PPP2R5C: variants seen among roughly 807,000 people sequenced by gnomAD.
The protein encoded by PPP2R5C is serine/threonine-protein phosphatase 2A 56 kDa regulatory subunit gamma isoform.
A neutral mutation model predicts 68.9 loss-of-function variants in PPP2R5C; 7 were observed. The observed-to-expected ratio is 0.10, with a 90% confidence interval of 0.06 to 0.19. The LOEUF (loss-of-function observed/expected upper bound fraction) is 0.19. Ranked by LOEUF, PPP2R5C falls within the 10% of genes least tolerant of loss-of-function variation. The probability of loss-of-function intolerance (pLI) is 1.00; values close to 1 mark genes in which losing one functional copy is unlikely to be tolerated. For missense variants in PPP2R5C, 348 were observed against 641.3 expected, an observed-to-expected ratio of 0.54 and a Z score of 4.94; for synonymous variants, 210 against 222.2, an observed-to-expected ratio of 0.95 and a Z score of 0.49.
At position 101,823,098 on chromosome 14, in the gene PPP2R5C, G is replaced by C. The variant is rs900962311; in HGVS notation, c.94+13062G>C. ...AAACTAAACTTGGAACCCCTAAAAC[G>C]ATTTTGAACACTACTTGACATTTAA... On this transcript the variant is annotated intron_variant, in intron 1 of 13. Transcript: ENST00000334743. Among the ~76,000 whole-genome samples the C allele has an allele frequency of 2.0e-5, 3 of 152,118 alleles. No individual in the cohort carries two copies. The East Asian group carries it at 5.8e-4, about 29-fold the overall frequency.
chr14:101,820,739 G>T (rs1313854326), intron 1 of PPP2R5C: 1 of 152,116 alleles, frequency 6.6e-6, no homozygotes, highest in East Asian at 1.9e-4. Context: ...CTTCTGTTGA[G>T]TATTGAAGAT....
intron 13 of PPP2R5C, among the ~76,000 whole-genome samples, chr14:101,918,434 G>GTCCCCTTCCCCCCTCACCCCCTTCA (rs2046810505): frequency 2.2e-5 from 1 of 46,476 alleles, no homozygotes; most frequent in African/African-American, 9.0e-5. Context: ...CCCTCGCCCC[G>GTCCCCTTCCCCCCTCACCCCCTTCA]TCCCCTTCCC....
chr14:101,890,309 T>TA lies in PPP2R5C; in HGVS notation c.689+14dup. On this transcript the variant is annotated intron_variant, in intron 6 of 13. Coordinates refer to ENST00000334743, the Ensembl canonical transcript of PPP2R5C. ...AAATATTGGGAAGGTAAGCCTCTGT[T>TA]ATGGGTAGCAAACGGCTGTAGATGG... 1 of 1,610,986 alleles carries TA rather than the reference T, an allele frequency of 6.2e-7. No individual in the cohort carries two copies. Among genetic ancestry groups the TA allele is most frequent in the South Asian group, 1.1e-5 (1 of 90,930 alleles).
At chr14:101,843,588 T>C (rs749005336) in intron 1 of PPP2R5C, 11 of 170,320 alleles carry the variant, frequency 6.5e-5, no homozygotes, top group Non-Finnish European at 1.4e-4. Flanking sequence ...TTCCTATTTT[T>C]TGAAGGATTC....
At chr14:101,918,475 T>TC (rs1209503166) in intron 13 of PPP2R5C, among the ~76,000 whole-genome samples, 1,119 of 31,628 alleles carry the variant, frequency 0.035, 158 homozygotes, top group African/African-American at 0.15. Context: ...CTCGCTCCTC[T>TC]GGCCCCCCAC....
chr14:101,872,770 G>T (rs1392044896), intron 2 of PPP2R5C, among the ~76,000 whole-genome samples: 1 of 151,964 alleles, frequency 6.6e-6, no homozygotes, highest in East Asian at 1.9e-4. Context: ...CCTTCATTTT[G>T]CCTGTGTTTA....
intron 8 of PPP2R5C, among the ~76,000 whole-genome samples, chr14:101,901,401 C>CT (rs750252747): frequency 6.6e-6 from 1 of 152,148 alleles, no homozygotes; most frequent in Non-Finnish European, 1.5e-5. Context: ...TGGTACGTGC[C>CT]TGTGGTCCCA....
chr14:101,845,034 G>A (rs1471548742), intron 1 of PPP2R5C, among the ~76,000 whole-genome samples: 1 of 152,038 alleles, frequency 6.6e-6, no homozygotes. Flanking sequence ...TCTAGAACTA[G>A]AGTCCTATGT....
At chr14:101,859,926 T>C (rs2042655534) in intron 2 of PPP2R5C, among the ~76,000 whole-genome samples, 1 of 152,226 alleles carries the variant, frequency 6.6e-6, no homozygotes, top group South Asian at 2.1e-4. Flanking sequence ...TTTTTTTTTT[T>C]TGAAGAATCC....
upstream of PPP2R5C, among the ~76,000 whole-genome samples, chr14:101,808,455 G>C (rs2140173962): frequency 6.6e-6 from 1 of 152,152 alleles, no homozygotes; most frequent in Admixed American, 6.5e-5. Context: ...AGGGGGAAGG[G>C]TGGGATTTGG....
At chr14:101,784,870 C>T (rs971116839) in intron 2 of PPP2R5C, among the ~76,000 whole-genome samples, 2 of 152,196 alleles carry the variant, frequency 1.3e-5, no homozygotes, top group Non-Finnish European at 2.9e-5. Flanking sequence ...GGCCAGGTCA[C>T]TGCTTGCTAC....
At position 101,901,583 on chromosome 14, in the gene PPP2R5C, C is replaced by A. The variant is rs1189197487; in HGVS notation, c.853-136C>A. 5.4e-5 allele frequency: 43 copies of A among 802,150 alleles called. No homozygotes were observed. In the East Asian group the frequency reaches 1.1e-3, roughly 21 times the overall value. 49.7% of individuals were successfully genotyped at this position (802,150 alleles called of 1,614,324 possible). On this transcript the variant is annotated intron_variant, in intron 8 of 13. Transcript: ENST00000334743. ...ACATATGATGACTGAGTCACTGTTC[C>A]CTCTGTAAGGAAGATGGCACCATCT...
At chr14:101,833,865 G>C (rs1313359280) in intron 1 of PPP2R5C, among the ~76,000 whole-genome samples, 1 of 152,128 alleles carries the variant, frequency 6.6e-6, no homozygotes, top group East Asian at 1.9e-4. Flanking sequence ...GCAGTGGCGC[G>C]ATCTCAGCTC....
intron 12 of PPP2R5C, chr14:101,914,311 C>A: frequency 2.5e-6 from 1 of 392,862 alleles, no homozygotes; most frequent in Non-Finnish European, 5.1e-6. Flanking sequence ...AGTCGCATGG[C>A]ACATGGTCTC....
chr14:101,797,940 G>C lies in PPP2R5C; in HGVS notation c.259+11757G>C, dbSNP rs1051820354. On this transcript the variant is annotated intron_variant, in intron 3 of 14. Transcript: ENST00000328724. The surrounding 1 kb of genome is among the most constrained non-coding windows in gnomAD (Gnocchi z 4.2). ...GTCCATCCTCTTTAATCACTCCCAG[G>C]CCTCGCTCACACAGCAACAAGTGCC... Among the ~76,000 whole-genome samples, 3 of 151,978 alleles carry C rather than the reference G, an allele frequency of 2.0e-5. No individual in the cohort carries two copies. Among genetic ancestry groups the C allele is most frequent in the African/African-American group, 4.8e-5 (2 of 41,356 alleles).
Position 101,850,150 on chromosome 14 carries a change from C to T in PPP2R5C, c.95-6536C>T, listed in dbSNP as rs150957669. 2.6e-3 allele frequency among the ~76,000 whole-genome samples: 401 copies of T among 152,200 alleles called. 3 individuals are homozygous for T. Among genetic ancestry groups the T allele is most frequent in the African/African-American group, 9.3e-3 (386 of 41,518 alleles). On this transcript the variant is annotated intron_variant, in intron 1 of 13. Transcript: ENST00000334743. ...AGCTAGTAAAAGCTCCCCTCTGAGT[C>T]GGGGATGGGTGCAAGGGGCCGTTCT...
chr14:101,804,518 A>G (rs765980721), intron 3 of PPP2R5C, among the ~76,000 whole-genome samples: 8 of 152,230 alleles, frequency 5.3e-5, no homozygotes, highest in Middle Eastern at 3.2e-3. Flanking sequence ...TATATACACA[A>G]TAGAGTACTA....
intron 1 of PPP2R5C, among the ~76,000 whole-genome samples, chr14:101,851,661 A>C (rs1340466238): frequency 6.6e-6 from 1 of 151,732 alleles, no homozygotes; most frequent in African/African-American, 2.4e-5. Context: ...CATCGGGGTA[A>C]TGCTTATTTG....
At chr14:101,783,766 G>A (rs1011846559) in intron 2 of PPP2R5C, among the ~76,000 whole-genome samples, 11 of 152,282 alleles carry the variant, frequency 7.2e-5, no homozygotes, top group East Asian at 1.9e-4. Flanking sequence ...CAAGGTCCTC[G>A]CTGTGAGTGC....
Sources: gnomAD v4.1 joint callset for allele counts (sites outside exome capture counted in the v4.1 genomes callset) on GRCh38, gnomAD v4.1.1 for gene constraint, Gnocchi (gnomAD v3.1) non-coding constraint, MANE v1.5 for transcripts, NCBI Gene and HGNC (gene_info 2026-07-23, HGNC 2026-07-21) for gene names.